Variants in TUBA8 observed in about 807,000 individuals in gnomAD.
TUBA8 encodes the protein tubulin alpha 8, also known as tubulin alpha-8 chain.
A neutral mutation model predicts 34.7 loss-of-function variants in TUBA8; 29 were observed. The observed-to-expected ratio is 0.84, with a 90% confidence interval of 0.62 to 1.14. TUBA8 has a LOEUF of 1.14. TUBA8 is among the 50% of genes most tolerant of loss of function. The pLI, the probability that TUBA8 is intolerant of heterozygous loss-of-function variation, is 0.00. For missense variants in TUBA8, 541 were observed against 599.2 expected (o/e 0.90, Z 1.01); for synonymous variants, 226 against 231.2 (o/e 0.98, Z 0.21).
chr22:18,124,628 A>T lies in TUBA8; in HGVS notation c.375+324A>T, dbSNP rs116130984. On this transcript the variant is annotated intron_variant, in intron 3 of 4. Transcript: ENST00000330423. This position sits in a 1 kb window ranked among gnomAD's most constrained non-coding sequence, Gnocchi z 4.3. ...GAAACACAGGTTAACAAAGCATTTA[A>T]CTTGGAAGAGGAGAGGAAGAGATTG... 712 of 259,406 alleles carry T rather than the reference A, an allele frequency of 2.7e-3. 4 individuals are homozygous for T. The highest frequency in any genetic ancestry group is 0.014 in the African/African-American group (662 of 46,462). The allele number at this position is 259,406 out of a possible 1,614,324, so 16.1% of individuals were successfully genotyped here. A position where few individuals can be genotyped will look rare whatever the true frequency, so the allele number is the denominator to read the frequency against.
At position 18,126,184 on chromosome 22, in the gene TUBA8, T is replaced by C. The variant is rs1413534060; in HGVS notation, c.376-170T>C. ...TGGCCCCATCCCATATTTTAGCCAC[T>C]CCTCCAAAGATCAATACAACTCCTT... On this transcript the variant is annotated intron_variant, in intron 3 of 4. Transcript: ENST00000330423. The surrounding 1 kb of genome is among the most constrained non-coding windows in gnomAD (Gnocchi z 4.0). The C allele has an allele frequency of 1.5e-6, 1 of 659,618 alleles. No homozygotes were observed. The highest frequency in any genetic ancestry group is 2.6e-6 in the Non-Finnish European group (1 of 382,608). 40.9% of individuals were successfully genotyped at this position (659,618 alleles called of 1,614,324 possible). A position where few individuals can be genotyped will look rare whatever the true frequency, so the allele number is the denominator to read the frequency against.
intron 1 of TUBA8, chr22:18,113,402 C>A (rs1212105665): frequency 6.6e-6 from 1 of 152,150 alleles, no homozygotes; most frequent in Non-Finnish European, 1.5e-5. Flanking sequence ...ACTATGACAC[C>A]TTTTTTGGGA....
intron 1 of TUBA8, chr22:18,116,369 G>A: frequency 6.6e-6 from 1 of 152,316 alleles, no homozygotes; most frequent in East Asian, 1.9e-4. Flanking sequence ...AGGAGGCCAT[G>A]TGGCCTAAAA....
At position 18,121,607 on chromosome 22, in the gene TUBA8, C is replaced by G. The variant is rs760983756; in HGVS notation, c.132C>G (p.Asn44Lys). Reference sequence around the variant, plus strand: ...TTGATGCTCAAGCTAGCAAGATCAACGATGATGACTCCTTCACCACCTTTT... The same window carrying G: ...TTGATGCTCAAGCTAGCAAGATCAAGGATGATGACTCCTTCACCACCTTTT... The part of the protein sequence containing the change: ...GTFDAQASKI[N>K]DDDSFTTFFS... The change falls in exon 2 of 5, where the codon AAC becomes AAG. Residue 44 changes from asparagine to lysine, a missense_variant. Coordinates refer to ENST00000330423, the MANE Select transcript of TUBA8 (RefSeq NM_018943.3). This position sits in a 1 kb window ranked among gnomAD's most constrained non-coding sequence, Gnocchi z 4.8. 9.9e-6 allele frequency: 16 copies of G among 1,614,222 alleles called. No homozygotes were observed. The Admixed American group carries it at 2.7e-4, about 27-fold the overall frequency.
Position 18,121,577 on chromosome 22 carries a change from C to T in TUBA8, c.102C>T (p.Gly34=), listed in dbSNP as rs771908403. 6 of 1,614,198 alleles carry T rather than the reference C, an allele frequency of 3.7e-6. No individual in the cohort carries two copies. The Admixed American group carries it at 1.0e-4, about 27-fold the overall frequency. Residue 34 remains glycine, a synonymous_variant, in exon 2 of 5, where the codon GGC becomes GGT. Coordinates refer to ENST00000330423, the MANE Select transcript of TUBA8 (RefSeq NM_018943.3). This position sits in a 1 kb window ranked among gnomAD's most constrained non-coding sequence, Gnocchi z 4.8. ...TGGAACACGGCATCCAGGCAGACGGCACTTTTGATGCTCAAGCTAGCAAGA... is the reference window on the plus strand; with the variant it reads ...TGGAACACGGCATCCAGGCAGACGGTACTTTTGATGCTCAAGCTAGCAAGA... The part of the protein sequence containing the change: ...FCLEHGIQAD[G]TFDAQASKIN...
rs975869579 is a variant in TUBA8 at position 18,111,245 on chromosome 22, G to C, written c.3+377G>C. On this transcript the variant is annotated intron_variant, in intron 1 of 4. Transcript: ENST00000330423. The surrounding 1 kb of genome is among the most constrained non-coding windows in gnomAD (Gnocchi z 5.1). ...CGGGGATTCTGGATGGGTGGTCTGG[G>C]CCGGGGCGACTGGGGGGCCAGATGC... is the stretch of plus-strand genomic sequence containing the variant. The C allele has an allele frequency of 5.9e-6, 2 of 337,412 alleles. No homozygotes were observed. Among genetic ancestry groups the C allele is most frequent in the Non-Finnish European group, 1.1e-5 (2 of 183,796 alleles). The allele number at this position is 337,412 out of a possible 1,614,324, so 20.9% of individuals were successfully genotyped here. A position where few individuals can be genotyped will look rare whatever the true frequency, so the allele number is the denominator to read the frequency against.
Position 18,131,079 on chromosome 22 carries a change from T to C in TUBA8, c.1293T>C (p.Asp431=), listed in dbSNP as rs200410270. ...AAGACTTAGCTGCCCTGGAGAAGGA[T>C]TATGAAGAAGTGGGGACTGATTCGT... ...AREDLAALEK[D]YEEVGTDSFE... Residue 431 remains aspartate, a synonymous_variant, in exon 5 of 5, where the codon GAT becomes GAC. Coordinates refer to ENST00000330423, the MANE Select transcript of TUBA8 (RefSeq NM_018943.3). This position sits in a 1 kb window ranked among gnomAD's most constrained non-coding sequence, Gnocchi z 5.3. 2 of 1,614,132 alleles carry C rather than the reference T, an allele frequency of 1.2e-6. No individual in the cohort carries two copies. Among genetic ancestry groups the C allele is most frequent in the South Asian group, 2.2e-5 (2 of 91,064 alleles).
intron 1 of TUBA8, chr22:18,117,039 G>C (rs1927997180): frequency 6.6e-6 from 1 of 152,228 alleles, no homozygotes; most frequent in Non-Finnish European, 1.5e-5. Flanking sequence ...GGATAAGGGG[G>C]TTCTGGAGAG....
intron 3 of TUBA8, chr22:18,125,669 G>A (rs362051): frequency 0.078 from 11,859 of 152,514 alleles, 703 homozygotes; most frequent in East Asian, 0.34. Flanking sequence ...ACCTTCCAAG[G>A]TTGGGTTGAA....
In TUBA8 at chr22:18,131,030, AAGG is replaced by A. The variant is rs1336680066; in HGVS notation, c.1247_1249del (p.Gly416del). 11 of 1,614,176 alleles carry A rather than the reference AAGG, an allele frequency of 6.8e-6. No homozygotes were observed. Among genetic ancestry groups the A allele is most frequent in the East Asian group, 2.2e-5 (1 of 44,880 alleles). Reference sequence around the variant, plus strand: ...TGGTATGTGGGAGAGGGGATGGAAGAAGGAGAATTTTCTGAGGCCAGGGAAGAC... The same window carrying A: ...TGGTATGTGGGAGAGGGGATGGAAGAAGAATTTTCTGAGGCCAGGGAAGAC... On this transcript the variant is annotated inframe_deletion, in exon 5 of 5. Coordinates refer to ENST00000330423, the MANE Select transcript of TUBA8 (RefSeq NM_018943.3). The surrounding 1 kb of genome is among the most constrained non-coding windows in gnomAD (Gnocchi z 5.3).
rs769879268 is a variant in TUBA8 at position 18,126,950 on chromosome 22, G to A, written c.972G>A (p.Val324=). The stretch of plus-strand genomic sequence containing the variant: ...GCATGCTCTACCGGGGCGACGTGGT[G>A]CCCAAGGATGTGAATGTCGCTATTG... ...ACCMLYRGDV[V]PKDVNVAIAA... The change falls in exon 4 of 5, where the codon GTG becomes GTA. Residue 324 remains valine (V), a synonymous_variant. Transcript: ENST00000330423. The surrounding 1 kb of genome is among the most constrained non-coding windows in gnomAD (Gnocchi z 4.0). 1.9e-6 allele frequency: 3 copies of A among 1,613,358 alleles called. No individual in the cohort carries two copies. Among genetic ancestry groups the A allele is most frequent in the South Asian group, 2.2e-5 (2 of 91,002 alleles).
In TUBA8 at chr22:18,126,841, T is replaced by G. The variant is rs1450670503; in HGVS notation, c.863T>G (p.Val288Gly). The G allele has an allele frequency of 6.2e-7, 1 of 1,612,912 alleles. No individual in the cohort carries two copies. The change falls in exon 4 of 5, where the codon GTG becomes GGG. Residue 288 changes from valine to glycine, a missense_variant. Coordinates refer to ENST00000330423, the MANE Select transcript of TUBA8 (RefSeq NM_018943.3). The surrounding 1 kb of genome is among the most constrained non-coding windows in gnomAD (Gnocchi z 4.0). Reference sequence around the variant, plus strand: ...AAAGCCTATCACGAACAGCTCTCTGTGGCCGAGATAACCAGCTCCTGCTTT... The same window carrying G: ...AAAGCCTATCACGAACAGCTCTCTGGGGCCGAGATAACCAGCTCCTGCTTT... The part of the protein sequence containing the change: ...AEKAYHEQLS[V>G]AEITSSCFEP...
At chr22:18,130,527 A>G (rs951917576) in intron 4 of TUBA8, 20 of 428,580 alleles carry the variant, frequency 4.7e-5, no homozygotes, top group Non-Finnish European at 6.5e-5. Flanking sequence ...GGCTCAAGTG[A>G]TCCTTCCACC....
chr22:18,115,743 T>C (rs941603709), intron 1 of TUBA8: 1 of 152,230 alleles, frequency 6.6e-6, no homozygotes, highest in African/African-American at 2.4e-5. Flanking sequence ...AACCTCACAA[T>C]GCTGTCTCGA....
rs1301452982 is a variant in TUBA8 at position 18,131,038 on chromosome 22, T to G, written c.1252T>G (p.Phe418Val). Residue 418 changes from phenylalanine to valine, a missense_variant, in exon 5 of 5, where the codon TTT (phenylalanine) becomes GTT (valine). Physicochemically the swap from Phe to Val is conservative, Grantham distance 50. Transcript: ENST00000330423. The surrounding 1 kb of genome is among the most constrained non-coding windows in gnomAD (Gnocchi z 5.3). ...YVGEGMEEGE[F>V]SEAREDLAAL... ...GGGAGAGGGGATGGAAGAAGGAGAA[T>G]TTTCTGAGGCCAGGGAAGACTTAGC... The G allele has an allele frequency of 6.2e-7, 1 of 1,614,060 alleles. No homozygotes were observed. Among genetic ancestry groups the G allele is most frequent in the Non-Finnish European group, 8.5e-7 (1 of 1,179,994 alleles).
chr22:18,125,578 A>T (rs1256044422), intron 3 of TUBA8: 1 of 151,586 alleles, frequency 6.6e-6, no homozygotes. Context: ...TCAAGTTCTT[A>T]CAACCAAGAA....
Position 18,110,930 on chromosome 22 carries a change from G to C in TUBA8, c.3+62G>C, listed in dbSNP as rs931966789. 6.5e-7 allele frequency: 1 copy of C among 1,536,068 alleles called. No homozygotes were observed. The highest frequency in any genetic ancestry group is 2.0e-5 in the Admixed American group (1 of 51,038). ...CGGCAGGCGTAGGACCGAGAGCCGA[G>C]TCTACGCGGAGGCGCACGGACCCGT... On this transcript the variant is annotated intron_variant, in intron 1 of 4. Coordinates refer to ENST00000330423, the MANE Select transcript of TUBA8 (RefSeq NM_018943.3). The surrounding 1 kb of genome is among the most constrained non-coding windows in gnomAD (Gnocchi z 6.2).
At chr22:18,123,857 G>C in intron 2 of TUBA8, 1 of 400,696 alleles carries the variant, frequency 2.5e-6, no homozygotes, top group East Asian at 5.6e-5. Context: ...TTACAGGCGT[G>C]AGCCACTGGG....
chr22:18,130,326 C>T (rs772632587), intron 4 of TUBA8: 1 of 167,434 alleles, frequency 6.0e-6, no homozygotes, highest in Non-Finnish European at 1.3e-5. Flanking sequence ...CCTAATGTCG[C>T]TCGTGACTCT....
Sources: gnomAD v4.1 joint callset for allele counts on GRCh38, gnomAD v4.1.1 for gene constraint, Gnocchi (gnomAD v3.1) non-coding constraint, MANE v1.5 for transcripts, NCBI Gene and HGNC (gene_info 2026-07-23, HGNC 2026-07-21) for gene names.